The following CCDC3 variants were observed in gnomAD, a reference collection of about 807,000 sequenced individuals.
CCDC3 encodes the protein coiled-coil domain containing 3.
CCDC3 carries 24 observed loss-of-function variants against 21.4 expected under a neutral mutation model. The ratio of observed to expected loss-of-function variants is 1.12; its 90% CI spans 0.81 to 1.58. The LOEUF (loss-of-function observed/expected upper bound fraction) is 1.58, where lower values mean the gene tolerates loss of function less well. CCDC3 is among the 40% of genes most tolerant of loss of function. The pLI, the probability that CCDC3 is intolerant of heterozygous loss-of-function variation, is 0.00. For synonymous variants in CCDC3, 186 were observed against 166.0 expected (o/e 1.12, Z -0.93); for missense variants, 425 against 360.9 (o/e 1.18, Z -1.44).
intron 2 of CCDC3, among the ~76,000 whole-genome samples, chr10:12,933,045 T>C (rs942840856): frequency 1.3e-5 from 2 of 152,244 alleles, no homozygotes; most frequent in Non-Finnish European, 2.9e-5. Context: ...TTATATACTG[T>C]TGGATTTGAT....
chr10:13,044,075 T>C (rs892855828), intron 5 of CCDC3, among the ~76,000 whole-genome samples: 12 of 152,348 alleles, frequency 7.9e-5, no homozygotes, highest in Admixed American at 3.3e-4. Flanking sequence ...TGGTATCTCA[T>C]TGTAGTTTTG....
At chr10:12,904,552 G>A (rs114409625) in intron 2 of CCDC3, among the ~76,000 whole-genome samples, 2,189 of 150,612 alleles carry the variant, frequency 0.015, 51 homozygotes, top group African/African-American at 0.05. Flanking sequence ...AGGCCAATGG[G>A]GAGGGATGGC....
intron 4 of CCDC3, among the ~76,000 whole-genome samples, chr10:13,057,456 CTTTT>C (rs1564334950): frequency 1.5e-5 from 2 of 133,498 alleles, no homozygotes; most frequent in Non-Finnish European, 3.2e-5. Flanking sequence ...AGTGTTTCTT[CTTTT>C]GTTTTCTTAA....
At chr10:13,089,904 A>G (rs1837160453) in intron 3 of CCDC3, among the ~76,000 whole-genome samples, 1 of 146,598 alleles carries the variant, frequency 6.8e-6, no homozygotes. Context: ...CACTGCTGTG[A>G]GTGAGAACAT....
intron 5 of CCDC3, among the ~76,000 whole-genome samples, chr10:13,017,353 C>G (rs1267642934): frequency 6.6e-6 from 1 of 151,726 alleles, no homozygotes; most frequent in African/African-American, 2.4e-5. Flanking sequence ...TTCACCTCTA[C>G]TAAAAATACA....
chr10:12,935,482 T>C (rs991791750), intron 2 of CCDC3, among the ~76,000 whole-genome samples: 1 of 152,252 alleles, frequency 6.6e-6, no homozygotes, highest in Non-Finnish European at 1.5e-5. Flanking sequence ...TAGTATTTCA[T>C]ATCGGTTACT....
intron 3 of CCDC3, among the ~76,000 whole-genome samples, chr10:13,097,821 T>G (rs556322115): frequency 5.6e-4 from 85 of 152,336 alleles, no homozygotes; most frequent in African/African-American, 2.0e-3. Context: ...TTATATCACA[T>G]AACACCCTGA....
At chr10:12,958,731 T>C (rs2131254779) in intron 2 of CCDC3, among the ~76,000 whole-genome samples, 1 of 152,246 alleles carries the variant, frequency 6.6e-6, no homozygotes, top group African/African-American at 2.4e-5. Flanking sequence ...GAAGCTCCTC[T>C]CCTCTCTGCT....
intron 2 of CCDC3, among the ~76,000 whole-genome samples, chr10:12,964,961 C>T (rs915605051): frequency 6.6e-5 from 10 of 152,150 alleles, no homozygotes; most frequent in African/African-American, 2.4e-4. Context: ...TCTCTGAATT[C>T]CCTTTATCTG....
rs188895354 is a variant in CCDC3, at chr10:13,095,548, C to T, written c.-503+2977G>A. ...CATGTTCTGTTGACAATAGGGTTCA[C>T]GCTCCTATGAAAATCTAATGCAGCT... On this transcript the variant is annotated intron_variant, in intron 3 of 6. Transcript: ENST00000378839. 1.8e-3 allele frequency among the ~76,000 whole-genome samples: 275 copies of T among 152,234 alleles called. 1 individual carries two copies. Among genetic ancestry groups the T allele is most frequent in the African/African-American group, 6.1e-3 (253 of 41,536 alleles).
chr10:12,935,091 T>C (rs991989243), intron 2 of CCDC3, among the ~76,000 whole-genome samples: 1 of 151,928 alleles, frequency 6.6e-6, no homozygotes, highest in African/African-American at 2.4e-5. Flanking sequence ...AGGGTCTTGC[T>C]ATGTTGCCCT....
rs1208564076 is a variant in CCDC3, at chr10:12,950,617, AT to A, written c.549+47720del. Reference sequence around the variant, plus strand: ...CCTAAAAACCTTGCACTTGGTTATCATTTTTTTCTCCTTATCCTGGACTTTG... The same window carrying A: ...CCTAAAAACCTTGCACTTGGTTATCATTTTTTCTCCTTATCCTGGACTTTG... On this transcript the variant is annotated intron_variant, in intron 2 of 2. Transcript: ENST00000378825. Among the ~76,000 whole-genome samples, 3 of 152,222 alleles carry A rather than the reference AT, an allele frequency of 2.0e-5. No individual in the cohort carries two copies. In the East Asian group the frequency reaches 5.8e-4, roughly 29 times the overall value.
At chr10:13,083,212 A>T (rs1433352243) in intron 3 of CCDC3, among the ~76,000 whole-genome samples, 2 of 152,220 alleles carry the variant, frequency 1.3e-5, no homozygotes, top group Non-Finnish European at 2.9e-5. Flanking sequence ...ACATTCTGCC[A>T]AACAATTAGA....
intron 2 of CCDC3, among the ~76,000 whole-genome samples, chr10:12,964,748 G>A (rs1188228729): frequency 6.6e-6 from 1 of 152,206 alleles, no homozygotes; most frequent in Non-Finnish European, 1.5e-5. Context: ...GATGAACAAA[G>A]AGACAAAGAG....
chr10:12,991,078 A>G (rs763640268), intron 2 of CCDC3, among the ~76,000 whole-genome samples: 7 of 152,212 alleles, frequency 4.6e-5, no homozygotes, highest in Admixed American at 6.5e-5. Flanking sequence ...GTTAAACTTG[A>G]GGATCTCAGC....
At chr10:13,043,811 G>T (rs764743552) in intron 5 of CCDC3, among the ~76,000 whole-genome samples, 1 of 152,082 alleles carries the variant, frequency 6.6e-6, no homozygotes, top group Admixed American at 6.6e-5. Context: ...TGCTTGTGAT[G>T]AACATATGAT....
intron 3 of CCDC3, among the ~76,000 whole-genome samples, chr10:13,074,369 A>G (rs1300268515): frequency 1.7e-5 from 1 of 58,708 alleles, no homozygotes; most frequent in Non-Finnish European, 3.2e-5. Context: ...TTTTTGTAGT[A>G]GAGACGGGGT....
At chr10:12,980,928 T>A (rs1018750033) in intron 2 of CCDC3, among the ~76,000 whole-genome samples, 2 of 152,210 alleles carry the variant, frequency 1.3e-5, no homozygotes, top group Admixed American at 1.3e-4. Flanking sequence ...TCTAGTACTC[T>A]GGCACATTGC....
chr10:12,979,529 C>A (rs1743600913), intron 2 of CCDC3, among the ~76,000 whole-genome samples: 1 of 151,960 alleles, frequency 6.6e-6, no homozygotes, highest in South Asian at 2.1e-4. Context: ...AGGCACACAC[C>A]ACCATGCCTA....
Sources: gnomAD v4.1 joint callset for allele counts (sites outside exome capture counted in the v4.1 genomes callset) on GRCh38, gnomAD v4.1.1 for gene constraint, MANE v1.5 for transcripts, NCBI Gene and HGNC (gene_info 2026-07-23, HGNC 2026-07-21) for gene names.